The following MTUS1 variants were observed in gnomAD, a reference collection of about 807,000 sequenced individuals.
MTUS1 encodes the protein microtubule associated scaffold protein 1.
MTUS1 carries 109 observed loss-of-function variants against 120.8 expected under a neutral mutation model. The observed-to-expected ratio is 0.90, with a 90% confidence interval of 0.77 to 1.06. MTUS1 has a LOEUF of 1.06. Ranked by LOEUF, MTUS1 falls within the 50% of genes least tolerant of loss-of-function variation. MTUS1 has a pLI of 0.00. For missense variants in MTUS1, 2,210 were observed against 1,486.3 expected, an observed-to-expected ratio of 1.49 and a Z score of -8.01; for synonymous variants, 737 against 550.5, an observed-to-expected ratio of 1.34 and a Z score of -4.74.
chr8:17,760,895 AAAGGTATAACACCAGAAC>A (rs1419893020), intron 1 of MTUS1, among the ~76,000 whole-genome samples: 7 of 152,186 alleles, frequency 4.6e-5, no homozygotes, highest in South Asian at 2.1e-4. Flanking sequence ...CTACCAGAAC[AAAGGTATAACACCAGAAC>A]AAGGTATAAC....
chr8:17,765,678 CCACACA>C (rs60406848), intron 1 of MTUS1, among the ~76,000 whole-genome samples: 3,299 of 130,140 alleles, frequency 0.025, 103 homozygotes, highest in East Asian at 0.16. Flanking sequence ...AATACAGACA[CCACACA>C]CACACACACA....
Position 17,753,982 on chromosome 8 carries a change from T to C in MTUS1, c.1826A>G (p.Lys609Arg). Residue 609 changes from lysine to arginine, a missense_variant, in exon 2 of 15, where the codon AAA becomes AGA. Physicochemically the swap from Lys to Arg is conservative, Grantham distance 26 (BLOSUM62 2). Transcript: ENST00000693296. The part of the protein sequence containing the change: ...HRVPRTTSAV[K>R]SNQEDVDKAS... ...TTTGTCAACATCTTCCTGATTCGAT[T>C]TCACGGCAGATGTTGTTCTTGGAAC... 4 of 1,614,218 alleles carry C rather than the reference T, an allele frequency of 2.5e-6. No homozygotes were observed. The highest frequency in any genetic ancestry group is 3.4e-6 in the Non-Finnish European group (4 of 1,180,030).
At chr8:17,760,287 T>G (rs906291901) in intron 1 of MTUS1, among the ~76,000 whole-genome samples, 4 of 152,098 alleles carry the variant, frequency 2.6e-5, no homozygotes, top group African/African-American at 9.7e-5. Flanking sequence ...CACAAACATG[T>G]GTTCATAAAT....
chr8:17,725,767 G>C (rs1473210625), intron 3 of MTUS1, among the ~76,000 whole-genome samples: 1 of 152,144 alleles, frequency 6.6e-6, no homozygotes, highest in Non-Finnish European at 1.5e-5. Context: ...AGAACATTAT[G>C]AGATTTTTTT....
intron 1 of MTUS1, among the ~76,000 whole-genome samples, chr8:17,764,157 G>T (rs1373710995): frequency 1.3e-5 from 2 of 152,170 alleles, no homozygotes; most frequent in African/African-American, 4.8e-5. Context: ...CAACAGTTAA[G>T]AACTATGTCA....
At position 17,723,850 on chromosome 8, in the gene MTUS1, A is replaced by C. The variant is rs2046012372; in HGVS notation, c.2288-17T>G. ...TAGGCTTTCCTTGGGGTTTAAAAAA[A>C]ACAAAAAGTTTCCAGTGCTATTCAT... On this transcript the variant is annotated splice_polypyrimidine_tract_variant and intron_variant, in intron 3 of 14. Transcript: ENST00000693296. 6.5e-7 allele frequency: 1 copy of C among 1,536,570 alleles called. No individual in the cohort carries two copies. The highest frequency in any genetic ancestry group is 8.7e-7 in the Non-Finnish European group (1 of 1,143,354).
Position 17,647,053 on chromosome 8 carries a change from G to A in MTUS1, c.3528C>T (p.Asp1176=). Residue 1176 remains aspartate, a synonymous_variant, in exon 14 of 15, where the codon GAC becomes GAT. Transcript: ENST00000693296. ...TCTCCTGCTGGAAACGCTTCAATTTGTCAACCAATGCTGTGTTGTTGTCCA... is the reference window on the plus strand; with the variant it reads ...TCTCCTGCTGGAAACGCTTCAATTTATCAACCAATGCTGTGTTGTTGTCCA... ...KLVDNNTALV[D]KLKRFQQENE... 1 of 1,613,690 alleles carries A rather than the reference G, an allele frequency of 6.2e-7. No homozygotes were observed. Among genetic ancestry groups the A allele is most frequent in the South Asian group, 1.1e-5 (1 of 91,056 alleles).
intron 1 of MTUS1, among the ~76,000 whole-genome samples, chr8:17,793,516 G>T (rs928791229): frequency 6.6e-6 from 1 of 152,148 alleles, no homozygotes; most frequent in Non-Finnish European, 1.5e-5. Context: ...TGCCATCAGA[G>T]CTCTAGATGA....
At position 17,793,288 on chromosome 8, in the gene MTUS1, T is replaced by C. The variant is rs373955303; in HGVS notation, c.-155+7773A>G. On this transcript the variant is annotated intron_variant, in intron 1 of 14. Transcript: ENST00000693296. ...GAAACTTGGCACCTTCCAGCTCTGA[T>C]GCTCTGCTCCCAAAGCCATGGCCGT... Among the ~76,000 whole-genome samples the C allele has an allele frequency of 1.6e-4, 25 of 152,308 alleles. No individual in the cohort carries two copies. The East Asian group carries it at 3.9e-3, about 24-fold the overall frequency.
At chr8:17,722,552 G>A in intron 4 of MTUS1, 14 of 985,224 alleles carry the variant, frequency 1.4e-5, no homozygotes, top group Non-Finnish European at 1.7e-5. Context: ...GAAGTGCCAG[G>A]GTATGCAGCT....
chr8:17,712,801 T>A (rs1222791528), intron 6 of MTUS1, among the ~76,000 whole-genome samples: 126 of 704 alleles, frequency 0.18, no homozygotes, highest in Non-Finnish European at 0.42. Context: ...CTTGGGAATG[T>A]TAAGTCCAGT....
At chr8:17,703,391 T>G (rs1819498281) in intron 6 of MTUS1, among the ~76,000 whole-genome samples, 1 of 152,098 alleles carries the variant, frequency 6.6e-6, no homozygotes. Flanking sequence ...CGCAGCACTT[T>G]GGGAGGCTGT....
intron 6 of MTUS1, among the ~76,000 whole-genome samples, chr8:17,691,569 G>C (rs572231686): frequency 6.6e-6 from 1 of 152,310 alleles, no homozygotes; most frequent in African/African-American, 2.4e-5. Flanking sequence ...GGAAGAATCT[G>C]GATTCACAGT....
intron 3 of MTUS1, among the ~76,000 whole-genome samples, chr8:17,731,359 G>A (rs912857934): frequency 6.6e-6 from 1 of 152,118 alleles, no homozygotes; most frequent in Non-Finnish European, 1.5e-5. Flanking sequence ...GAGAATGGGG[G>A]TGATAGGAGT....
chr8:17,793,193 T>C (rs568434856), intron 1 of MTUS1, among the ~76,000 whole-genome samples: 38 of 152,202 alleles, frequency 2.5e-4, no homozygotes, highest in Non-Finnish European at 4.3e-4. Context: ...CGTACATGTA[T>C]TTGCACATGG....
Position 17,754,725 on chromosome 8 carries a change from T to C in MTUS1, c.1083A>G (p.Glu361=). 6.2e-7 allele frequency: 1 copy of C among 1,614,260 alleles called. No homozygotes were observed. Among genetic ancestry groups the C allele is most frequent in the African/African-American group, 1.3e-5 (1 of 75,062 alleles). ...PLMVPAFDKS[E]AQVLNPEHKV... ...TATGCTCTGGGTTCAGCACTTGAGC[T>C]TCGCTCTTATCAAAAGCTGGCACCA... The change falls in exon 2 of 15, where the codon GAA becomes GAG. Residue 361 remains glutamate (E), a synonymous_variant. Coordinates refer to ENST00000693296, the MANE Select transcript of MTUS1 (RefSeq NM_001363059.2).
chr8:17,720,224 A>G (rs1437023450), intron 4 of MTUS1, among the ~76,000 whole-genome samples: 3 of 152,092 alleles, frequency 2.0e-5, no homozygotes, highest in East Asian at 3.9e-4. Flanking sequence ...GCATGCCTAT[A>G]ATCCCAGCTA....
chr8:17,763,763 C>T (rs1378465945), intron 1 of MTUS1, among the ~76,000 whole-genome samples: 1 of 152,180 alleles, frequency 6.6e-6, no homozygotes, highest in African/African-American at 2.4e-5. Flanking sequence ...TTCTTTCTAG[C>T]ACACAGATAT....
At chr8:17,654,431 C>A in intron 10 of MTUS1, 130 bp downstream of exon 10, 1 of 661,902 alleles carries the variant, frequency 1.5e-6, no homozygotes, top group South Asian at 1.9e-5. Flanking sequence ...AAAAAGGAAC[C>A]AAGAACACCC....
Sources: gnomAD v4.1 joint callset for allele counts (sites outside exome capture counted in the v4.1 genomes callset) on GRCh38, gnomAD v4.1.1 for gene constraint, MANE v1.5 for transcripts, NCBI Gene and HGNC (gene_info 2026-07-23, HGNC 2026-07-21) for gene names.